Variants in CCDC158 observed in about 807,000 individuals in gnomAD.
The protein encoded by CCDC158 is coiled-coil domain-containing protein 158.
CCDC158 carries 116 observed loss-of-function variants against 138.6 expected under a neutral mutation model. The observed-to-expected ratio is 0.84, with a 90% CI of 0.72 to 0.98. The LOEUF (loss-of-function observed/expected upper bound fraction) is 0.98, where lower values mean the gene tolerates loss of function less well. CCDC158 is among the 50% of genes least tolerant of loss of function. CCDC158 has a pLI of 0.00. For synonymous variants in CCDC158, 436 were observed against 442.4 expected (o/e 0.99, Z 0.18); for missense variants, 1,265 against 1,306.1 (o/e 0.97, Z 0.48).
At chr4:76,349,934 A>T (rs1028753685) in intron 18 of CCDC158, among the ~76,000 whole-genome samples, 7 of 152,080 alleles carry the variant, frequency 4.6e-5, no homozygotes, top group African/African-American at 1.7e-4. Context: ...TATTTAACTG[A>T]CTCGCCCAAG....
At position 76,378,821 on chromosome 4, in the gene CCDC158, A is replaced by C. The variant is rs149230109; in HGVS notation, c.1029+469T>G. On this transcript the variant is annotated intron_variant, in intron 9 of 24. Coordinates refer to ENST00000682701, the MANE Select transcript of CCDC158 (RefSeq NM_001394954.1). ...TTTTAAAAGGAATTACATGATGATGAGAGATGACTTATCCTCCTAATTAAT... is the reference window on the plus strand; with the variant it reads ...TTTTAAAAGGAATTACATGATGATGCGAGATGACTTATCCTCCTAATTAAT... Among the ~76,000 whole-genome samples, 341 of 152,366 alleles carry C rather than the reference A, an allele frequency of 2.2e-3. 2 individuals carry two copies. The highest frequency in any genetic ancestry group is 4.0e-3 in the Non-Finnish European group (270 of 68,038).
At chr4:76,383,854 G>A (rs2110308163) in intron 6 of CCDC158, 116 bp from the exon 7 acceptor site, 1 of 777,016 alleles carries the variant, frequency 1.3e-6, no homozygotes, top group Middle Eastern at 2.7e-4. Context: ...ACTAAAATCA[G>A]ATACATTCTA....
At chr4:76,351,201 G>A in intron 17 of CCDC158, 80 bp from the exon 18 acceptor site, 11 of 1,337,568 alleles carry the variant, frequency 8.2e-6, no homozygotes, top group Non-Finnish European at 1.1e-5. Flanking sequence ...TGTATTTTTT[G>A]ATTTCACAGG....
chr4:76,421,325 T>C (rs967315466), upstream of CCDC158, among the ~76,000 whole-genome samples: 1 of 151,990 alleles, frequency 6.6e-6, no homozygotes, highest in Admixed American at 6.5e-5. Flanking sequence ...CCGGACGCCG[T>C]CGCTGGGGCA....
At chr4:76,398,106 A>G (rs1226391691) in intron 3 of CCDC158, among the ~76,000 whole-genome samples, 1 of 152,252 alleles carries the variant, frequency 6.6e-6, no homozygotes, top group Non-Finnish European at 1.5e-5. Flanking sequence ...AGATGGTTCT[A>G]TAATGATAAT....
intron 9 of CCDC158, chr4:76,375,453 G>T: frequency 1.7e-6 from 1 of 585,096 alleles, no homozygotes; most frequent in South Asian, 2.2e-5. Flanking sequence ...TGCATTGGCA[G>T]AACTATGCAG....
intron 9 of CCDC158, among the ~76,000 whole-genome samples, chr4:76,373,971 T>G (rs1269396026): frequency 6.6e-6 from 1 of 152,038 alleles, no homozygotes; most frequent in Non-Finnish European, 1.5e-5. Flanking sequence ...CTGGGCAGCA[T>G]AGTGAGACCC....
intron 9 of CCDC158, among the ~76,000 whole-genome samples, chr4:76,374,198 T>C (rs2110268531): frequency 6.6e-6 from 1 of 152,276 alleles, no homozygotes; most frequent in South Asian, 2.1e-4. Context: ...TTGGGGCATA[T>C]ACAGGAAAAG....
intron 20 of CCDC158, among the ~76,000 whole-genome samples, chr4:76,331,717 G>A (rs1243820371): frequency 6.6e-6 from 1 of 152,112 alleles, no homozygotes; most frequent in African/African-American, 2.4e-5. Flanking sequence ...GGTTTGATTA[G>A]AGGATAATAC....
intron 12 of CCDC158, among the ~76,000 whole-genome samples, 194 bp downstream of exon 12, chr4:76,367,100 C>T (rs1294490664): frequency 2.6e-5 from 4 of 151,716 alleles, no homozygotes; most frequent in Non-Finnish European, 4.4e-5. Context: ...GAGCCATTTT[C>T]GAGTCATCCA....
chr4:76,367,810 T>A, intron 11 of CCDC158, 34 bp from the exon 12 acceptor site: 2 of 1,569,418 alleles, frequency 1.3e-6, no homozygotes, highest in Non-Finnish European at 1.7e-6. Flanking sequence ...TTCATAGATT[T>A]GGGAGGATAG....
At position 76,328,985 on chromosome 4, in the gene CCDC158, G is replaced by C; in HGVS notation, c.2943-18C>G. 1 of 1,598,642 alleles carries C rather than the reference G, an allele frequency of 6.3e-7. No homozygotes were observed. The highest frequency in any genetic ancestry group is 8.6e-7 in the Non-Finnish European group (1 of 1,166,128). On this transcript the variant is annotated intron_variant, in intron 21 of 24. Coordinates refer to ENST00000682701, the MANE Select transcript of CCDC158 (RefSeq NM_001394954.1). ...CTGGCTCTCTGGAAGCATAAGAATG[G>C]TAATGCAAGCATTCCATTTCACAAA...
At chr4:76,359,797 T>G (rs1183505621) in intron 13 of CCDC158, among the ~76,000 whole-genome samples, 1 of 152,218 alleles carries the variant, frequency 6.6e-6, no homozygotes, top group Admixed American at 6.5e-5. Context: ...CATAAAAGTT[T>G]GGAAAATTTG....
intron 9 of CCDC158, among the ~76,000 whole-genome samples, chr4:76,372,210 A>T (rs574815461): frequency 6.6e-6 from 1 of 152,340 alleles, no homozygotes; most frequent in South Asian, 2.1e-4. Flanking sequence ...AGGCCAAGGC[A>T]GGAGGATCCC....
chr4:76,407,994 T>C (rs2109889889), intron 2 of CCDC158, among the ~76,000 whole-genome samples: 1 of 152,194 alleles, frequency 6.6e-6, no homozygotes, highest in Admixed American at 6.5e-5. Context: ...AATTTTTTTC[T>C]TAGAAAATTA....
chr4:76,354,591 G>A (rs894599537), intron 15 of CCDC158, among the ~76,000 whole-genome samples: 4 of 152,064 alleles, frequency 2.6e-5, no homozygotes, highest in African/African-American at 9.7e-5. Context: ...TTGCTTATTC[G>A]TGAATGAGTC....
chr4:76,335,468 A>G (rs569886693), intron 18 of CCDC158, among the ~76,000 whole-genome samples: 3 of 152,216 alleles, frequency 2.0e-5, no homozygotes, highest in Non-Finnish European at 4.4e-5. Flanking sequence ...CATTTATTAT[A>G]AGTGAGCAAT....
chr4:76,330,917 C>A (rs1181622020), intron 21 of CCDC158, among the ~76,000 whole-genome samples: 1 of 152,056 alleles, frequency 6.6e-6, no homozygotes, highest in Admixed American at 6.6e-5. Context: ...GCAGCAGAGA[C>A]AGTATGAAAA....
Position 76,328,240 on chromosome 4 carries a change from G to A in CCDC158, c.3010+660C>T, listed in dbSNP as rs1194454140. Among the ~76,000 whole-genome samples, 3 of 152,028 alleles carry A rather than the reference G, an allele frequency of 2.0e-5. No individual in the cohort carries two copies. The East Asian group carries it at 5.8e-4, about 29-fold the overall frequency. ...TCTTGATTCTTCTGCTTTTCCTTTT[G>A]TCTATTCAATAAATATTTATTCAGC... On this transcript the variant is annotated intron_variant, in intron 22 of 24. Transcript: ENST00000682701.
Sources: allele counts gnomAD v4.1 joint callset (sites outside exome capture counted in the v4.1 genomes callset), GRCh38; gene constraint gnomAD v4.1.1; transcripts MANE v1.5; gene names NCBI Gene and HGNC (gene_info 2026-07-23, HGNC 2026-07-21).